Variants in INTS8 observed in about 807,000 individuals in gnomAD.
INTS8 encodes the protein protein kaonashi-1.
A neutral mutation model predicts 138.9 loss-of-function variants in INTS8; 47 were observed. The ratio of observed to expected loss-of-function variants is 0.34; its 90% CI spans 0.27 to 0.43. INTS8 has a LOEUF of 0.43. Among genes scored for constraint, INTS8 ranks in the 20% least tolerant of loss-of-function variants. The probability of loss-of-function intolerance (pLI) is 1.00; values close to 1 mark genes in which losing one functional copy is unlikely to be tolerated. For missense variants in INTS8, 996 were observed against 1,173.0 expected, an observed-to-expected ratio of 0.85 and a Z score of 2.20; for synonymous variants, 392 against 400.9, an observed-to-expected ratio of 0.98 and a Z score of 0.27.
intron 2 of INTS8, among the ~76,000 whole-genome samples, chr8:94,825,799 T>A (rs1474968093): frequency 2.0e-5 from 3 of 151,708 alleles, no homozygotes; most frequent in African/African-American, 4.8e-5. Flanking sequence ...TTGGGAAAAA[T>A]TTAAAAAATA....
intron 26 of INTS8, 34 bp downstream of exon 26, chr8:94,876,523 G>C: frequency 7.3e-7 from 1 of 1,367,248 alleles, no homozygotes; most frequent in Non-Finnish European, 1.0e-6. Flanking sequence ...CAGTGGTACA[G>C]TTTCCAGAAT....
rs1563676697 is a variant in INTS8, at chr8:94,880,101, C to G, written c.2872-17C>G. 1.3e-6 allele frequency: 2 copies of G among 1,571,364 alleles called. No individual in the cohort carries two copies. The highest frequency in any genetic ancestry group is 2.2e-5 in the East Asian group (1 of 44,666). On this transcript the variant is annotated splice_polypyrimidine_tract_variant and intron_variant, in intron 26 of 26. Coordinates refer to ENST00000523731, the MANE Select transcript of INTS8 (RefSeq NM_017864.4). ...TTTTGACACACCTCTAATAACATCACTTTTCTGTTTTGGAAGATCAAAGCC... is the reference window on the plus strand; with the variant it reads ...TTTTGACACACCTCTAATAACATCAGTTTTCTGTTTTGGAAGATCAAAGCC...
At chr8:94,848,875 A>C (rs978955523) in intron 10 of INTS8, among the ~76,000 whole-genome samples, 5 of 152,092 alleles carry the variant, frequency 3.3e-5, no homozygotes, top group African/African-American at 1.2e-4. Context: ...TAAATAATAT[A>C]TTAGGAGGAA....
chr8:94,832,900 C>T lies in INTS8; in HGVS notation c.753+726C>T, dbSNP rs181087588. On this transcript the variant is annotated intron_variant, in intron 6 of 26. Coordinates refer to ENST00000523731, the MANE Select transcript of INTS8 (RefSeq NM_017864.4). ...AGATCTCCTGACCTCGTGATCCGCC[C>T]GCCTCGGTCTCCCAAAGTGCTGGGA... Among the ~76,000 whole-genome samples, 1,300 of 152,214 alleles carry T rather than the reference C, an allele frequency of 8.5e-3. 20 individuals carry two copies. Among genetic ancestry groups the T allele is most frequent in the African/African-American group, 0.03 (1,253 of 41,528 alleles).
At chr8:94,840,206 A>G (rs575585172) in intron 8 of INTS8, among the ~76,000 whole-genome samples, 3 of 152,354 alleles carry the variant, frequency 2.0e-5, no homozygotes, top group African/African-American at 7.2e-5. Flanking sequence ...CAGCTGTAAC[A>G]GGTGTGTCTT....
At chr8:94,848,013 C>CTT (rs58388097) in intron 10 of INTS8, among the ~76,000 whole-genome samples, 5 of 129,996 alleles carry the variant, frequency 3.8e-5, no homozygotes, top group Non-Finnish European at 6.6e-5. Flanking sequence ...TAAAACACTG[C>CTT]TTTTTTTTTT....
chr8:94,871,821 C>T (rs1586528592), intron 20 of INTS8, 63 bp from the exon 21 acceptor site: 2 of 888,658 alleles, frequency 2.3e-6, no homozygotes, highest in East Asian at 2.4e-5. Flanking sequence ...TTAATAAATA[C>T]ATGCATGGAA....
chr8:94,863,729 A>G (rs1047997758), intron 16 of INTS8, among the ~76,000 whole-genome samples: 1 of 152,266 alleles, frequency 6.6e-6, no homozygotes, highest in African/African-American at 2.4e-5. Flanking sequence ...TAATAAATTC[A>G]GTGACCTTAA....
chr8:94,874,871 T>G (rs145587836), intron 23 of INTS8, among the ~76,000 whole-genome samples: 2 of 152,298 alleles, frequency 1.3e-5, no homozygotes, highest in African/African-American at 2.4e-5. Context: ...GAAATGTGCA[T>G]TAGTCATTAG....
rs755220058 is a variant in INTS8 at position 94,825,040 on chromosome 8, A to G, written c.278A>G (p.Lys93Arg). 2 of 1,610,388 alleles carry G rather than the reference A, an allele frequency of 1.2e-6. No individual in the cohort carries two copies. The highest frequency in any genetic ancestry group is 1.7e-6 in the Non-Finnish European group (2 of 1,177,116). ...LLALKVAAHLKWDLDILEKSL... is the reference protein window; with the variant it reads ...LLALKVAAHLRWDLDILEKSL... ...GCTCTTAAAGTTGCTGCACATTTGA[A>G]GTGGGACTTAGACATATTAGAGAAA... Residue 93 changes from lysine (K) to arginine (R), a missense_variant, in exon 2 of 27, where the codon AAG becomes AGG. Lys to Arg is a conservative substitution (Grantham distance 26). Coordinates refer to ENST00000523731, the MANE Select transcript of INTS8 (RefSeq NM_017864.4).
chr8:94,838,626 G>C lies in INTS8; in HGVS notation c.1017+8G>C, dbSNP rs1268713733. 1 of 1,599,684 alleles carries C rather than the reference G, an allele frequency of 6.3e-7. No individual in the cohort carries two copies. Among genetic ancestry groups the C allele is most frequent in the South Asian group, 1.1e-5 (1 of 90,230 alleles). On this transcript the variant is annotated splice_region_variant and intron_variant, in intron 8 of 26. Transcript: ENST00000523731. Reference sequence around the variant, plus strand: ...AGATCTGGCAACTATCAGGTAAGGTGTATGAGGGGGATGCAGTGAAGTTTT... The same window carrying C: ...AGATCTGGCAACTATCAGGTAAGGTCTATGAGGGGGATGCAGTGAAGTTTT...
At position 94,824,983 on chromosome 8, in the gene INTS8, A is replaced by G; in HGVS notation, c.221A>G (p.Asp74Gly). The change falls in exon 2 of 27, where the codon GAT becomes GGT. Residue 74 changes from aspartate (D) to glycine (G), a missense_variant. Coordinates refer to ENST00000523731, the MANE Select transcript of INTS8 (RefSeq NM_017864.4). ...NEQNQVQPPP[D>G]NKRNRILKLL... ...CAAAACCAAGTTCAACCTCCGCCTG[A>G]TAACAAGAGAAATCGTATTTTAAAA... 1 of 1,612,984 alleles carries G rather than the reference A, an allele frequency of 6.2e-7. No individual in the cohort carries two copies. The highest frequency in any genetic ancestry group is 8.5e-7 in the Non-Finnish European group (1 of 1,179,044).
chr8:94,838,651 T>A (rs763248667), intron 8 of INTS8, 33 bp downstream of exon 8: 1 of 1,574,480 alleles, frequency 6.4e-7, no homozygotes. Context: ...AGTGAAGTTT[T>A]GGAAGCCAGA....
intron 10 of INTS8, among the ~76,000 whole-genome samples, chr8:94,846,311 G>T (rs1815330561): frequency 6.6e-6 from 1 of 151,712 alleles, no homozygotes; most frequent in Non-Finnish European, 1.5e-5. Flanking sequence ...TTTCTTTCTT[G>T]TTGCCCAGGC....
At chr8:94,849,854 G>T in intron 11 of INTS8, 62 bp from the exon 12 acceptor site, 1 of 1,244,780 alleles carries the variant, frequency 8.0e-7, no homozygotes, top group South Asian at 1.7e-5. Flanking sequence ...TGGTTGATAT[G>T]ATTGTTTTTC....
At position 94,845,325 on chromosome 8, in the gene INTS8, G is replaced by A. The variant is rs112640165; in HGVS notation, c.1260+2837G>A. ...TAATTTTTTTCCCACCAATCTCTAGGGCCACCTCTATTGTATGCCGGGTGT... is the reference window on the plus strand; with the variant it reads ...TAATTTTTTTCCCACCAATCTCTAGAGCCACCTCTATTGTATGCCGGGTGT... On this transcript the variant is annotated intron_variant, in intron 10 of 26. Coordinates refer to ENST00000523731, the MANE Select transcript of INTS8 (RefSeq NM_017864.4). 8.4e-3 allele frequency among the ~76,000 whole-genome samples: 1,277 copies of A among 152,048 alleles called. 23 individuals are homozygous for A. Among genetic ancestry groups the A allele is most frequent in the African/African-American group, 0.029 (1,192 of 41,474 alleles).
At chr8:94,854,894 G>A (rs74830885) in intron 14 of INTS8, among the ~76,000 whole-genome samples, 2,698 of 148,294 alleles carry the variant, frequency 0.018, 71 homozygotes, top group African/African-American at 0.062. Context: ...ACCATGCCCA[G>A]CTTATTTGAA....
rs1370536380 is a variant in INTS8, at chr8:94,861,324, C to T, written c.2076+1692C>T. Among the ~76,000 whole-genome samples, 26 of 120,452 alleles carry T rather than the reference C, an allele frequency of 2.2e-4. 1 individual carries two copies. Among genetic ancestry groups the T allele is most frequent in the South Asian group, 5.9e-4 (2 of 3,386 alleles). The allele number at this position is 120,452 out of a possible 152,430, so 79.0% of individuals were successfully genotyped here. On this transcript the variant is annotated intron_variant, in intron 16 of 26. Coordinates refer to ENST00000523731, the MANE Select transcript of INTS8 (RefSeq NM_017864.4). ...TCGCCCAGGCTGGAGTGCAGTGGCG[C>T]GATCTCGGCTCACTGCCAGCTCCGC... is the stretch of plus-strand genomic sequence containing the variant.
chr8:94,858,283 G>A (rs929968998), intron 15 of INTS8, among the ~76,000 whole-genome samples: 3 of 152,184 alleles, frequency 2.0e-5, no homozygotes, highest in Admixed American at 2.0e-4. Context: ...TGAGTCCTAT[G>A]GGTTAATTTA....
Sources: allele counts gnomAD v4.1 joint callset (sites outside exome capture counted in the v4.1 genomes callset), GRCh38; gene constraint gnomAD v4.1.1; transcripts MANE v1.5; gene names NCBI Gene and HGNC (gene_info 2026-07-23, HGNC 2026-07-21).